The following CAV1 variants were observed in gnomAD, a reference collection of about 807,000 sequenced individuals.
The protein encoded by CAV1 is caveolin 1.
A neutral mutation model predicts 16.5 loss-of-function variants in CAV1; 10 were observed. That is an observed-to-expected ratio of 0.61 (90% confidence interval 0.37 to 1.03). The LOEUF (loss-of-function observed/expected upper bound fraction) is 1.03. Among genes scored for constraint, CAV1 ranks in the 50% least tolerant of loss-of-function variants. CAV1 has a pLI of 0.01. For missense variants in CAV1, 212 were observed against 232.8 expected (o/e 0.91, Z 0.58); for synonymous variants, 76 against 85.1 (o/e 0.89, Z 0.59).
chr7:116,537,170 CAAG>C (rs1254738405), intron 2 of CAV1, among the ~76,000 whole-genome samples: 1 of 152,186 alleles, frequency 6.6e-6, no homozygotes, highest in Non-Finnish European at 1.5e-5. Flanking sequence ...TTTTTACTTT[CAAG>C]AAGATTTAAA....
At chr7:116,526,778 C>T (rs1793572788) in intron 2 of CAV1, 89 bp downstream of exon 2, 1 of 1,433,992 alleles carries the variant, frequency 7.0e-7, no homozygotes, top group South Asian at 1.2e-5. Flanking sequence ...GCCGTGTACG[C>T]ACACCCCACC....
At chr7:116,545,399 G>A (rs1794021491) in intron 2 of CAV1, among the ~76,000 whole-genome samples, 1 of 152,194 alleles carries the variant, frequency 6.6e-6, no homozygotes, top group Admixed American at 6.5e-5. Context: ...ATTATACAGT[G>A]TATCAAACAA....
intron 2 of CAV1, among the ~76,000 whole-genome samples, chr7:116,527,194 TAC>T (rs779315537): frequency 6.6e-6 from 1 of 152,248 alleles, no homozygotes; most frequent in Non-Finnish European, 1.5e-5. Context: ...TTAAAAATAC[TAC>T]AGTGGATGGA....
chr7:116,556,785 C>T (rs913350202), intron 2 of CAV1, among the ~76,000 whole-genome samples: 1 of 49,878 alleles, frequency 2.0e-5, no homozygotes, highest in Non-Finnish European at 4.7e-5. Flanking sequence ...CCATTATACA[C>T]TCAAAATGTG....
rs956938598 is a variant in CAV1 at position 116,560,700 on chromosome 7, C to A, written c.*1413C>A. 6.6e-6 allele frequency: 1 copy of A among 152,588 alleles called. No individual in the cohort carries two copies. Among genetic ancestry groups the A allele is most frequent in the Non-Finnish European group, 1.5e-5 (1 of 68,024 alleles). 9.5% of individuals were successfully genotyped at this position (152,588 alleles called of 1,614,324 possible). Reference sequence around the variant, plus strand: ...CCAAAAGCTTTTTATTCCTCCTGCTCATATTGTGATTCTGCCTTTGGGGAC... The same window carrying A: ...CCAAAAGCTTTTTATTCCTCCTGCTAATATTGTGATTCTGCCTTTGGGGAC... On this transcript the variant is annotated 3_prime_UTR_variant, in exon 3 of 3. Transcript: ENST00000341049.
intron 2 of CAV1, among the ~76,000 whole-genome samples, chr7:116,530,221 T>TTTTTTTTTTTTTTTTG (rs1793659144): frequency 6.6e-6 from 1 of 150,498 alleles, no homozygotes; most frequent in Non-Finnish European, 1.5e-5. Context: ...TTTTTTTTTT[T>TTTTTTTTTTTTTTTTG]GCCTTGACTG....
intron 2 of CAV1, among the ~76,000 whole-genome samples, chr7:116,551,216 C>T (rs1384419148): frequency 2.0e-5 from 3 of 152,146 alleles, no homozygotes; most frequent in African/African-American, 4.8e-5. Flanking sequence ...ACCAGGTGAT[C>T]CTTTTGCTGA....
At chr7:116,536,417 G>C (rs1419499218) in intron 2 of CAV1, among the ~76,000 whole-genome samples, 1 of 152,192 alleles carries the variant, frequency 6.6e-6, no homozygotes, top group African/African-American at 2.4e-5. Flanking sequence ...AAACAAACCT[G>C]AGTGAGGTCA....
chr7:116,526,136 G>A (rs893626767), intron 1 of CAV1: 2 of 323,494 alleles, frequency 6.2e-6, no homozygotes, highest in East Asian at 1.7e-4. Context: ...TAGGGAGTCC[G>A]GGAGAAGCCT....
At chr7:116,553,027 A>G (rs775566729) in intron 2 of CAV1, among the ~76,000 whole-genome samples, 1 of 152,232 alleles carries the variant, frequency 6.6e-6, no homozygotes, top group African/African-American at 2.4e-5. Flanking sequence ...TAGAATCACA[A>G]TTTCCAATAA....
intron 1 of CAV1, chr7:116,525,602 T>C: frequency 8.7e-7 from 1 of 1,151,316 alleles, no homozygotes; most frequent in Non-Finnish European, 1.1e-6. Context: ...TCTCAAGAAC[T>C]CCTTCTGCAT....
chr7:116,525,186 C>G, intron 1 of CAV1, 94 bp downstream of exon 1: 3 of 1,613,956 alleles, frequency 1.9e-6, no homozygotes, highest in South Asian at 1.1e-5. Context: ...TGCCCTGGCC[C>G]CAGCCCTCTC....
chr7:116,528,361 G>A (rs1197181018), intron 2 of CAV1, among the ~76,000 whole-genome samples: 1 of 152,208 alleles, frequency 6.6e-6, no homozygotes, highest in Non-Finnish European at 1.5e-5. Flanking sequence ...GGAGGAAATA[G>A]CAGTTTACAA....
At chr7:116,547,856 C>T (rs1443904063) in intron 2 of CAV1, among the ~76,000 whole-genome samples, 1 of 152,196 alleles carries the variant, frequency 6.6e-6, no homozygotes, top group African/African-American at 2.4e-5. Context: ...TAGGTACTAT[C>T]ATACCGCATC....
intron 2 of CAV1, among the ~76,000 whole-genome samples, chr7:116,557,288 GC>G (rs1467699345): frequency 1.3e-5 from 2 of 152,180 alleles, no homozygotes; most frequent in African/African-American, 4.8e-5. Context: ...AGCATCATGT[GC>G]TTTTTCCAGA....
chr7:116,551,383 C>T (rs768416162), intron 2 of CAV1, among the ~76,000 whole-genome samples: 1 of 152,124 alleles, frequency 6.6e-6, no homozygotes, highest in Admixed American at 6.5e-5. Flanking sequence ...ATATTTCAAC[C>T]GAAACACTAT....
At chr7:116,527,619 A>G (rs1793594027) in intron 2 of CAV1, among the ~76,000 whole-genome samples, 1 of 152,238 alleles carries the variant, frequency 6.6e-6, no homozygotes, top group South Asian at 2.1e-4. Flanking sequence ...GGATTGGGAT[A>G]TCATGGGCTA....
At chr7:116,526,971 C>T in intron 2 of CAV1, 3 of 478,802 alleles carry the variant, frequency 6.3e-6, no homozygotes, top group East Asian at 4.0e-5. Context: ...TTTATCCTAG[C>T]AAATGAGCCT....
chr7:116,525,845 T>C (rs1184343892), intron 1 of CAV1: 3 of 996,888 alleles, frequency 3.0e-6, no homozygotes, highest in South Asian at 4.6e-5. Flanking sequence ...GTCTGGTGCC[T>C]GGCTCCGCCA....
Sources: gnomAD v4.1 joint callset for allele counts (sites outside exome capture counted in the v4.1 genomes callset) on GRCh38, gnomAD v4.1.1 for gene constraint, MANE v1.5 for transcripts, NCBI Gene and HGNC (gene_info 2026-07-23, HGNC 2026-07-21) for gene names.